The following TELO2 variants were observed in gnomAD, a reference collection of about 807,000 sequenced individuals.
The protein encoded by TELO2 is telomere maintenance 2.
Under a neutral mutation model 91.0 loss-of-function variants are expected in TELO2, and 71 were observed. That is an observed-to-expected ratio of 0.78 (90% CI 0.64 to 0.95). The LOEUF (loss-of-function observed/expected upper bound fraction) is 0.95, where lower values mean the gene tolerates loss of function less well. TELO2 is among the 40% of genes least tolerant of loss of function. The probability of loss-of-function intolerance (pLI) is 0.00; values close to 1 mark genes in which losing one functional copy is unlikely to be tolerated. For synonymous variants in TELO2, 584 were observed against 518.9 expected, an observed-to-expected ratio of 1.13 and a Z score of -1.71; for missense variants, 1,183 against 1,141.3, an observed-to-expected ratio of 1.04 and a Z score of -0.53.
At chr16:1,496,251 A>G (rs2141020244) in intron 3 of TELO2, among the ~76,000 whole-genome samples, 1 of 152,292 alleles carries the variant, frequency 6.6e-6, no homozygotes, top group Admixed American at 6.5e-5. Flanking sequence ...TCCCTCGCTC[A>G]GGGGCACCCT....
Position 1,502,183 on chromosome 16 carries a change from G to A in TELO2, c.1561+48G>A, listed in dbSNP as rs772001930. 2.4e-5 allele frequency: 38 copies of A among 1,605,706 alleles called. 1 individual carries two copies. Among genetic ancestry groups the A allele is most frequent in the Admixed American group, 3.4e-5 (2 of 59,402 alleles). On this transcript the variant is annotated intron_variant, in intron 12 of 20. Coordinates refer to ENST00000262319, the MANE Select transcript of TELO2 (RefSeq NM_016111.4). ...CCTTGCTGGGCTGGGCATGGGTCCC[G>A]CTCACAGCCTGGTTCTGCCTCAAGG...
At chr16:1,506,582 G>A (rs1163594763) in intron 17 of TELO2, 24 of 1,406,562 alleles carry the variant, frequency 1.7e-5, no homozygotes, top group Middle Eastern at 2.6e-4. Context: ...AGTGCCGCCC[G>A]CACGTGCCCG....
rs745440897 is a variant in TELO2 at position 1,507,032 on chromosome 16, G to A, written c.2207G>A (p.Cys736Tyr). ...RLAHTLGALM[C>Y]LAVNTTVAVA... is the part of the protein sequence containing the mutation. ...GCGCACACCTTAGGGGCCCTGATGT[G>A]CCTGGCTGTTAACACCACGGTGAGC... The change falls in exon 18 of 21, where the codon TGC becomes TAC. Residue 736 changes from cysteine to tyrosine, a missense_variant. By Grantham distance (194) the Cys-to-Tyr change is radical. Coordinates refer to ENST00000262319, the MANE Select transcript of TELO2 (RefSeq NM_016111.4). The A allele has an allele frequency of 1.3e-5, 21 of 1,610,308 alleles. No homozygotes were observed. The highest frequency in any genetic ancestry group is 2.7e-5 in the African/African-American group (2 of 74,880).
Position 1,497,247 on chromosome 16 carries a change from G to C in TELO2, c.683-114G>C. On this transcript the variant is annotated intron_variant, in intron 4 of 20. Coordinates refer to ENST00000262319, the MANE Select transcript of TELO2 (RefSeq NM_016111.4). This position sits in a 1 kb window ranked among gnomAD's most constrained non-coding sequence, Gnocchi z 4.0. The stretch of plus-strand genomic sequence containing the variant: ...TCCTGTCCTGGGCCCGTGGGATCTG[G>C]GGCTCAGCTGTGCTTACTGGGGAGC... 6.7e-7 allele frequency: 1 copy of C among 1,492,014 alleles called. No individual in the cohort carries two copies. The highest frequency in any genetic ancestry group is 9.0e-7 in the Non-Finnish European group (1 of 1,113,012). The allele number at this position is 1,492,014 out of a possible 1,614,324, so 92.4% of individuals were successfully genotyped here.
At chr16:1,501,366 G>C in intron 9 of TELO2, 54 bp from the exon 10 acceptor site, 1 of 1,574,086 alleles carries the variant, frequency 6.4e-7, no homozygotes, top group Non-Finnish European at 8.6e-7. Flanking sequence ...GCTCCGTCTC[G>C]GGGAGGGGCG....
At chr16:1,500,245 AGGCTGGCTGGGCTGG>A (rs2039628717) in intron 7 of TELO2, 81 bp downstream of exon 7, 1 of 1,532,928 alleles carries the variant, frequency 6.5e-7, no homozygotes, top group Non-Finnish European at 8.8e-7. Context: ...CGGCAGGGTG[AGGCTGGCTGGGCTGG>A]GGCGGAGCTC....
In TELO2 at chr16:1,495,379, G is replaced by C. The variant is rs747324606; in HGVS notation, c.369G>C (p.Leu123=). The change falls in exon 3 of 21, where the codon CTG becomes CTC. Residue 123 remains leucine (L), a synonymous_variant. Coordinates refer to ENST00000262319, the MANE Select transcript of TELO2 (RefSeq NM_016111.4). Reference sequence around the variant, plus strand: ...TCCGGCTGATGAAGATGGCGCGGCTGCTGGCCAGATTCCTGCGCGAGGGCC... The same window carrying C: ...TCCGGCTGATGAAGATGGCGCGGCTCCTGGCCAGATTCCTGCGCGAGGGCC... The part of the protein sequence containing the change: ...PSFRLMKMAR[L]LARFLREGRL... 1.3e-6 allele frequency: 2 copies of C among 1,566,720 alleles called. No individual in the cohort carries two copies. Among genetic ancestry groups the C allele is most frequent in the South Asian group, 1.2e-5 (1 of 86,412 alleles).
chr16:1,506,505 C>G, intron 17 of TELO2, 176 bp downstream of exon 17: 1 of 1,459,292 alleles, frequency 6.9e-7, no homozygotes, highest in Non-Finnish European at 9.1e-7. Context: ...CAAGATTCCT[C>G]TGTGGTTGAG....
rs528528035 is a variant in TELO2, at chr16:1,498,013, T to C, written c.830+505T>C. ...TCTCTGCCCAAAGTATTTCCTCCTC[T>C]TTTTTTTTTTTTTTTCTTTTTGAGA... On this transcript the variant is annotated intron_variant, in intron 5 of 20. Transcript: ENST00000262319. Among the ~76,000 whole-genome samples, 479 of 139,248 alleles carry C rather than the reference T, an allele frequency of 3.4e-3. 2 individuals carry two copies. The highest frequency in any genetic ancestry group is 0.012 in the African/African-American group (466 of 37,564). The allele number at this position is 139,248 out of a possible 152,430, so 91.4% of individuals were successfully genotyped here.
rs754564452 is a variant in TELO2 at position 1,506,294 on chromosome 16, C to T, written c.2091C>T (p.Gly697=). 2.5e-6 allele frequency: 4 copies of T among 1,614,066 alleles called. No individual in the cohort carries two copies. In the East Asian group the frequency reaches 8.9e-5, roughly 36 times the overall value. Residue 697 remains glycine, a synonymous_variant, in exon 17 of 21, where the codon GGC becomes GGT. Transcript: ENST00000262319. ...CCAGCAGATTCAACTCCGTGGCCGG[C>T]CACTTCTTCTTCCCCCTCCTTCAGC... is the stretch of plus-strand genomic sequence containing the variant. ...GSPSRFNSVA[G]HFFFPLLQRF... is the part of the protein sequence containing the mutation.
intron 9 of TELO2, 74 bp from the exon 10 acceptor site, chr16:1,501,346 G>C (rs1206664957): frequency 6.7e-7 from 1 of 1,499,318 alleles, no homozygotes; most frequent in East Asian, 2.4e-5. Flanking sequence ...AGTGGGGAGT[G>C]GCTCCCGTGG....
At position 1,495,577 on chromosome 16, in the gene TELO2, C is replaced by G. The variant is rs984326511; in HGVS notation, c.567C>G (p.Gly189=). The G allele has an allele frequency of 3.7e-6, 6 of 1,609,178 alleles. No individual in the cohort carries two copies. In the African/African-American group the frequency reaches 5.3e-5, roughly 14 times the overall value. Residue 189 remains glycine, a synonymous_variant, in exon 3 of 21, where the codon GGC becomes GGG. Coordinates refer to ENST00000262319, the MANE Select transcript of TELO2 (RefSeq NM_016111.4). ...CCCAGAACTACTTCCGCCTGCTCGG[C>G]GAGGAGGTCGTCCGGGTGCTGCAGG... ...FFPQNYFRLL[G]EEVVRVLQAV... is the part of the protein sequence containing the mutation.
chr16:1,503,704 G>A (rs2039786034), intron 15 of TELO2, among the ~76,000 whole-genome samples: 1 of 152,212 alleles, frequency 6.6e-6, no homozygotes, highest in Admixed American at 6.5e-5. Flanking sequence ...CCGGGGCTTG[G>A]GGAGGGGATG....
chr16:1,495,751 G>T (rs1269609337), intron 3 of TELO2, 128 bp downstream of exon 3: 1 of 1,330,302 alleles, frequency 7.5e-7, no homozygotes, highest in Non-Finnish European at 1.0e-6. Context: ...GGCAGGTGGG[G>T]ATGTCCCTGT....
rs546128145 is a variant in TELO2 at position 1,497,175 on chromosome 16, C to T, written c.682+71C>T. On this transcript the variant is annotated intron_variant, in intron 4 of 20. Coordinates refer to ENST00000262319, the MANE Select transcript of TELO2 (RefSeq NM_016111.4). The surrounding 1 kb of genome is among the most constrained non-coding windows in gnomAD (Gnocchi z 4.0). ...AGCCCATCAGCCTTCTGCAGAAGGC[C>T]GAGAATCCCTCCTGACCCTGGCCCT... is the stretch of plus-strand genomic sequence containing the variant. 1.3e-5 allele frequency: 20 copies of T among 1,583,634 alleles called. No individual in the cohort carries two copies. The highest frequency in any genetic ancestry group is 6.9e-5 in the Admixed American group (4 of 58,366).
In TELO2 at chr16:1,493,892, G is replaced by A. The variant is rs1596246005; in HGVS notation, c.-37+287G>A. 6.6e-6 allele frequency among the ~76,000 whole-genome samples: 1 copy of A among 152,242 alleles called. No individual in the cohort carries two copies. Among genetic ancestry groups the A allele is most frequent in the East Asian group, 1.9e-4 (1 of 5,192 alleles). Reference sequence around the variant, plus strand: ...GCAGCTCCCGCGGGCCGAGTTTCCCGCCTTGGGTGCGAGGACGCGTGGGGC... The same window carrying A: ...GCAGCTCCCGCGGGCCGAGTTTCCCACCTTGGGTGCGAGGACGCGTGGGGC... On this transcript the variant is annotated intron_variant, in intron 1 of 20. Coordinates refer to ENST00000262319, the MANE Select transcript of TELO2 (RefSeq NM_016111.4). This position sits in a 1 kb window ranked among gnomAD's most constrained non-coding sequence, Gnocchi z 4.3.
intron 20 of TELO2, among the ~76,000 whole-genome samples, chr16:1,508,881 C>T (rs977613914): frequency 6.6e-6 from 1 of 152,210 alleles, no homozygotes; most frequent in African/African-American, 2.4e-5. Flanking sequence ...CACGGAGCAG[C>T]TGGAGGGTCC....
rs767497853 is a variant in TELO2 at position 1,509,881 on chromosome 16, C to T, written c.2459C>T (p.Ala820Val). The change falls in exon 21 of 21, where the codon GCC becomes GTC. Residue 820 changes from alanine (A) to valine (V), a missense_variant. Physicochemically the swap from Ala to Val is moderately conservative, Grantham distance 64 (BLOSUM62 0). Transcript: ENST00000262319. ...DEDCRTLALR[A>V]LLLLQRLKNR... Reference sequence around the variant, plus strand: ...GACTGCAGGACGCTGGCACTGAGGGCCCTGCTGCTTCTGCAGAGACTCAAG... The same window carrying T: ...GACTGCAGGACGCTGGCACTGAGGGTCCTGCTGCTTCTGCAGAGACTCAAG... 6.2e-7 allele frequency: 1 copy of T among 1,612,230 alleles called. No homozygotes were observed. The highest frequency in any genetic ancestry group is 1.1e-5 in the South Asian group (1 of 90,800).
intron 3 of TELO2, among the ~76,000 whole-genome samples, 181 bp downstream of exon 3, chr16:1,495,804 A>C (rs1167937120): frequency 6.6e-6 from 1 of 152,220 alleles, no homozygotes; most frequent in Non-Finnish European, 1.5e-5. Context: ...CTGTGGGCTG[A>C]AGTCCGCTGC....
Sources: gnomAD v4.1 joint callset for allele counts (sites outside exome capture counted in the v4.1 genomes callset) on GRCh38, gnomAD v4.1.1 for gene constraint, Gnocchi (gnomAD v3.1) non-coding constraint, MANE v1.5 for transcripts, NCBI Gene and HGNC (gene_info 2026-07-23, HGNC 2026-07-21) for gene names.